CYB5B: variants seen among roughly 807,000 people sequenced by gnomAD.
The protein encoded by CYB5B is cytochrome b5 type B, also known as cytochrome b5 type B (outer mitochondrial membrane).
A neutral mutation model predicts 21.3 loss-of-function variants in CYB5B; 14 were observed. The observed-to-expected ratio is 0.66, with a 90% CI of 0.43 to 1.03. The LOEUF is 1.03. Among genes scored for constraint, CYB5B ranks in the 50% least tolerant of loss-of-function variants. The pLI, the probability that CYB5B is intolerant of heterozygous loss-of-function variation, is 0.00. For missense variants in CYB5B, 166 were observed against 185.1 expected, an observed-to-expected ratio of 0.90 and a Z score of 0.60; for synonymous variants, 69 against 68.4, an observed-to-expected ratio of 1.01 and a Z score of -0.04.
intron 3 of CYB5B, among the ~76,000 whole-genome samples, chr16:69,456,489 A>G (rs1335765335): frequency 6.6e-6 from 1 of 152,252 alleles, no homozygotes; most frequent in Non-Finnish European, 1.5e-5. Flanking sequence ...AGTGTATTCT[A>G]AGCTTTTCGA....
At chr16:69,433,619 A>G (rs73566708) in intron 1 of CYB5B, among the ~76,000 whole-genome samples, 2,611 of 152,296 alleles carry the variant, frequency 0.017, 90 homozygotes, top group African/African-American at 0.059. Flanking sequence ...GGGTTTTTCA[A>G]TATTTTGCTG....
chr16:69,440,943 G>A (rs79523637), intron 1 of CYB5B, among the ~76,000 whole-genome samples: 4,081 of 151,856 alleles, frequency 0.027, 71 homozygotes, highest in East Asian at 0.045. Flanking sequence ...ACAGGCCTGC[G>A]CCGCCGTGCC....
rs913127323 is a variant in CYB5B, at chr16:69,464,451, A to G, written c.*1931A>G. The G allele has an allele frequency of 2.0e-5, 3 of 152,222 alleles. No homozygotes were observed. The highest frequency in any genetic ancestry group is 1.9e-4 in the East Asian group (1 of 5,202). 9.4% of individuals were successfully genotyped at this position (152,222 alleles called of 1,614,324 possible). A position where few individuals can be genotyped will look rare whatever the true frequency, so the allele number is the denominator to read the frequency against. On this transcript the variant is annotated 3_prime_UTR_variant, in exon 5 of 5. Transcript: ENST00000307892. Reference sequence around the variant, plus strand: ...GATGCTTCTCTATTTAAAGGCAAGGAAGGATTGGTATATGATTGCCTGTAA... The same window carrying G: ...GATGCTTCTCTATTTAAAGGCAAGGGAGGATTGGTATATGATTGCCTGTAA...
At chr16:69,459,250 A>C in intron 4 of CYB5B, 129 bp downstream of exon 4, 1 of 1,186,632 alleles carries the variant, frequency 8.4e-7, no homozygotes, top group Non-Finnish European at 1.2e-6. Flanking sequence ...GGCCCAAATC[A>C]TTGCAAATTC....
intron 1 of CYB5B, among the ~76,000 whole-genome samples, chr16:69,445,537 ATATAT>A (rs2014869229): frequency 6.6e-6 from 1 of 152,230 alleles, no homozygotes; most frequent in Non-Finnish European, 1.5e-5. Flanking sequence ...ACAAATTTTG[ATATAT>A]TAAATAATAT....
chr16:69,438,708 A>G (rs969996512), intron 1 of CYB5B, among the ~76,000 whole-genome samples: 1 of 151,914 alleles, frequency 6.6e-6, no homozygotes, highest in Admixed American at 6.6e-5. Flanking sequence ...TCATTTGTGT[A>G]TTTACTTTGA....
At chr16:69,457,596 A>G (rs1313214957) in intron 3 of CYB5B, among the ~76,000 whole-genome samples, 1 of 152,188 alleles carries the variant, frequency 6.6e-6, no homozygotes, top group African/African-American at 2.4e-5. Context: ...TACCTTCCGA[A>G]TCTGTAGATA....
intron 4 of CYB5B, among the ~76,000 whole-genome samples, chr16:69,460,074 C>T (rs1206780202): frequency 2.0e-5 from 3 of 151,980 alleles, no homozygotes; most frequent in Admixed American, 2.0e-4. Context: ...CATGGCGAAA[C>T]CCCATCTCTG....
intron 1 of CYB5B, among the ~76,000 whole-genome samples, chr16:69,439,461 G>T (rs959364930): frequency 6.6e-6 from 1 of 152,028 alleles, no homozygotes; most frequent in Non-Finnish European, 1.5e-5. Context: ...CGCCCACGTT[G>T]GCCTCCCAAA....
chr16:69,434,135 T>A (rs868621547), intron 1 of CYB5B, among the ~76,000 whole-genome samples: 3 of 152,238 alleles, frequency 2.0e-5, no homozygotes, highest in Non-Finnish European at 4.4e-5. Flanking sequence ...AACACTATAG[T>A]ACGTACTCTT....
chr16:69,426,416 T>C (rs1244037360), intron 1 of CYB5B, among the ~76,000 whole-genome samples: 1 of 116,814 alleles, frequency 8.6e-6, no homozygotes, highest in African/African-American at 3.3e-5. Flanking sequence ...AAAAAAAAAG[T>C]ACTTTCCCGG....
rs1399326344 is a variant in CYB5B, at chr16:69,463,022, T to C, written c.*502T>C. ...ACTTTGGGAGGCCAAGGTGGGAAGATCGCTTGAGGCCAAGAGTTCAAGACC... is the reference window on the plus strand; with the variant it reads ...ACTTTGGGAGGCCAAGGTGGGAAGACCGCTTGAGGCCAAGAGTTCAAGACC... On this transcript the variant is annotated 3_prime_UTR_variant, in exon 5 of 5. Transcript: ENST00000307892. 1 of 154,910 alleles carries C rather than the reference T, an allele frequency of 6.5e-6. No homozygotes were observed. Among genetic ancestry groups the C allele is most frequent in the Non-Finnish European group, 1.4e-5 (1 of 69,676 alleles). 9.6% of individuals were successfully genotyped at this position (154,910 alleles called of 1,614,324 possible).
At chr16:69,447,416 C>T (rs1224718772) in intron 2 of CYB5B, 138 bp downstream of exon 2, 39 of 1,175,066 alleles carry the variant, frequency 3.3e-5, no homozygotes, top group Admixed American at 5.0e-5. Flanking sequence ...CCAAGGCAGG[C>T]GGATCACTTG....
chr16:69,440,849 G>C (rs1200633222), intron 1 of CYB5B, among the ~76,000 whole-genome samples: 8 of 150,542 alleles, frequency 5.3e-5, no homozygotes, highest in Middle Eastern at 3.4e-3. Flanking sequence ...TAAAGAGATA[G>C]TGTCTCACTA....
At chr16:69,458,106 CTTGAA>C (rs773753930) in intron 3 of CYB5B, among the ~76,000 whole-genome samples, 1 of 152,142 alleles carries the variant, frequency 6.6e-6, no homozygotes, top group Non-Finnish European at 1.5e-5. Flanking sequence ...TCGTTTGATA[CTTGAA>C]TTGAGTAAAA....
At chr16:69,461,679 T>G (rs957571570) in intron 4 of CYB5B, among the ~76,000 whole-genome samples, 1 of 152,204 alleles carries the variant, frequency 6.6e-6, no homozygotes, top group African/African-American at 2.4e-5. Context: ...CTGAAGCTCC[T>G]AAGGAAGGTC....
rs556451321 is a variant in CYB5B at position 69,453,012 on chromosome 16, G to A, written c.333+4868G>A. Among the ~76,000 whole-genome samples the A allele has an allele frequency of 2.7e-3, 394 of 145,930 alleles. 5 individuals are homozygous for A. Among genetic ancestry groups the A allele is most frequent in the African/African-American group, 8.6e-3 (351 of 40,582 alleles). The stretch of plus-strand genomic sequence containing the variant: ...GACTCTGTCTCAAAAAAAAAAAAAA[G>A]ATCTTTCTCATTTTTTAAGTAGATA... On this transcript the variant is annotated intron_variant, in intron 3 of 4. Coordinates refer to ENST00000307892, the MANE Select transcript of CYB5B (RefSeq NM_030579.3).
At position 69,466,163 on chromosome 16, in the gene CYB5B, T is replaced by C. The variant is rs2015087856; in HGVS notation, c.*3643T>C. The C allele has an allele frequency of 1.3e-5, 2 of 152,662 alleles. No individual in the cohort carries two copies. The highest frequency in any genetic ancestry group is 4.8e-5 in the African/African-American group (2 of 41,448). 9.5% of individuals were successfully genotyped at this position (152,662 alleles called of 1,614,324 possible). A position where few individuals can be genotyped will look rare whatever the true frequency, so the allele number is the denominator to read the frequency against. On this transcript the variant is annotated 3_prime_UTR_variant, in exon 5 of 5. Coordinates refer to ENST00000307892, the MANE Select transcript of CYB5B (RefSeq NM_030579.3). ...TCAATAATGCAGTTAGTTTACCTTT[T>C]TCAGAATATTTTGAACAAAGATCTT...
chr16:69,428,766 A>G (rs570261301), intron 1 of CYB5B, among the ~76,000 whole-genome samples: 1 of 152,186 alleles, frequency 6.6e-6, no homozygotes, highest in Non-Finnish European at 1.5e-5. Context: ...CTTTATGAAG[A>G]TGACTAAGTA....
Sources: gnomAD v4.1 joint callset for allele counts (sites outside exome capture counted in the v4.1 genomes callset) on GRCh38, gnomAD v4.1.1 for gene constraint, MANE v1.5 for transcripts, NCBI Gene and HGNC (gene_info 2026-07-23, HGNC 2026-07-21) for gene names.